Variants in STK39 observed in about 807,000 individuals in gnomAD.
The protein encoded by STK39 is serine/threonine kinase 39, also known as STE20/SPS1-related proline-alanine-rich protein kinase.
A neutral mutation model predicts 77.8 loss-of-function variants in STK39; 20 were observed. The observed-to-expected ratio is 0.26, with a 90% CI of 0.18 to 0.37. The LOEUF (loss-of-function observed/expected upper bound fraction) is 0.37, where lower values mean the gene tolerates loss of function less well. Ranked by LOEUF, STK39 falls within the 10% of genes least tolerant of loss-of-function variation. The probability of loss-of-function intolerance (pLI) is 1.00; values close to 1 mark genes in which losing one functional copy is unlikely to be tolerated. For missense variants in STK39, 479 were observed against 656.5 expected (o/e 0.73, Z 2.95); for synonymous variants, 246 against 234.1 (o/e 1.05, Z -0.47).
chr2:168,238,679 GTATT>G (rs577977031), intron 1 of STK39, among the ~76,000 whole-genome samples: 100 of 150,486 alleles, frequency 6.6e-4, no homozygotes, highest in African/African-American at 2.3e-3. Context: ...GGATTCCAAA[GTATT>G]TATCTAAATC....
chr2:167,974,355 G>C (rs1114688), intron 16 of STK39, among the ~76,000 whole-genome samples: 117,957 of 152,012 alleles, frequency 0.78, 46,045 homozygotes, highest in African/African-American at 0.85. Context: ...AATCAAATTT[G>C]AGCTTCAAAA....
intron 16 of STK39, among the ~76,000 whole-genome samples, chr2:167,970,009 C>T (rs1057477269): frequency 6.6e-6 from 1 of 152,218 alleles, no homozygotes; most frequent in Non-Finnish European, 1.5e-5. Context: ...GACCCTGGAG[C>T]ATTCAGGGCA....
chr2:168,074,939 A>C (rs1267739345), intron 12 of STK39, 43 bp downstream of exon 12: 1 of 1,604,728 alleles, frequency 6.2e-7, no homozygotes, highest in Non-Finnish European at 8.5e-7. Context: ...ACCACAAGAA[A>C]GGAATGAAAT....
At chr2:168,153,077 G>C (rs1044948294) in intron 5 of STK39, among the ~76,000 whole-genome samples, 1 of 152,186 alleles carries the variant, frequency 6.6e-6, no homozygotes, top group Non-Finnish European at 1.5e-5. Flanking sequence ...AGGATTAGTT[G>C]AATCTTCAAA....
At chr2:168,223,746 AG>A (rs1690236327) in intron 1 of STK39, among the ~76,000 whole-genome samples, 1 of 152,062 alleles carries the variant, frequency 6.6e-6, no homozygotes, top group Non-Finnish European at 1.5e-5. Flanking sequence ...CAACCCTCGC[AG>A]GAATGAGGAA....
Position 168,118,567 on chromosome 2 carries a change from C to T in STK39, c.1089+10974G>A, listed in dbSNP as rs144862840. Among the ~76,000 whole-genome samples the T allele has an allele frequency of 1.2e-3, 170 of 139,326 alleles. 1 individual carries two copies. The highest frequency in any genetic ancestry group is 4.3e-3 in the African/African-American group (166 of 38,400). The allele number at this position is 139,326 out of a possible 152,430, so 91.4% of individuals were successfully genotyped here. A position where few individuals can be genotyped will look rare whatever the true frequency, so the allele number is the denominator to read the frequency against. ...CCTCTCAGCTCCCAGTCAAAGGCAA[C>T]CAGAAAGGAGTCACTTTCCCAGAAC... On this transcript the variant is annotated intron_variant, in intron 10 of 17. Transcript: ENST00000355999.
At chr2:168,217,321 G>A (rs1036596436) in intron 1 of STK39, among the ~76,000 whole-genome samples, 7 of 152,132 alleles carry the variant, frequency 4.6e-5, no homozygotes, top group Non-Finnish European at 1.5e-5. Context: ...GCATGAATTA[G>A]AAAACCCCAA....
At chr2:168,078,615 T>C (rs1686144086) in intron 10 of STK39, among the ~76,000 whole-genome samples, 1 of 151,946 alleles carries the variant, frequency 6.6e-6, no homozygotes, top group Non-Finnish European at 1.5e-5. Flanking sequence ...GATAGCATCC[T>C]AAATGTGTCA....
In STK39 at chr2:168,140,380, T is replaced by C. The variant is rs755937393; in HGVS notation, c.749A>G (p.Tyr250Cys). The C allele has an allele frequency of 1.9e-6, 3 of 1,613,882 alleles. No homozygotes were observed. Among genetic ancestry groups the C allele is most frequent in the Non-Finnish European group, 2.5e-6 (3 of 1,179,818 alleles). The change falls in exon 7 of 18, where the codon TAT (tyrosine) becomes TGT (cysteine). Residue 250 changes from tyrosine (Y) to cysteine (C), a missense_variant. This residue lies in a region of STK39 where 139 missense variants were observed against 280.6 expected (regional missense o/e 0.50). Coordinates refer to ENST00000355999, the MANE Select transcript of STK39 (RefSeq NM_013233.3). Reference protein sequence around the residue: ...APEVMEQVRGYDFKADMWSFG... With the variant: ...APEVMEQVRGCDFKADMWSFG... ...ACTCCACATGTCAGCCTTGAAGTCA[T>C]AGCCTCTCACCTAAGAAAGAAAGCA... is the stretch of plus-strand genomic sequence containing the variant.
chr2:168,241,119 A>G (rs140470781), intron 1 of STK39, among the ~76,000 whole-genome samples: 2 of 152,332 alleles, frequency 1.3e-5, no homozygotes, highest in East Asian at 3.9e-4. Flanking sequence ...AGAAAGAAGT[A>G]GGGAGAGTGT....
At chr2:168,001,229 CA>C (rs1350186132) in intron 16 of STK39, among the ~76,000 whole-genome samples, 1 of 139,484 alleles carries the variant, frequency 7.2e-6, no homozygotes, top group African/African-American at 2.8e-5. Flanking sequence ...ATGTATCCCC[CA>C]AATATGTGCA....
chr2:168,102,770 A>T (rs2105454037), intron 10 of STK39, among the ~76,000 whole-genome samples: 1 of 152,146 alleles, frequency 6.6e-6, no homozygotes, highest in Non-Finnish European at 1.5e-5. Context: ...TCTACTAAAA[A>T]TACAAAAAAA....
At chr2:168,142,746 T>C (rs1368282294) in intron 5 of STK39, among the ~76,000 whole-genome samples, 4 of 152,220 alleles carry the variant, frequency 2.6e-5, no homozygotes, top group Non-Finnish European at 5.9e-5. Context: ...GATGGCTAAA[T>C]GTCTTTAAAA....
chr2:168,198,196 C>A (rs1689523707), intron 1 of STK39, among the ~76,000 whole-genome samples: 1 of 152,128 alleles, frequency 6.6e-6, no homozygotes, highest in African/African-American at 2.4e-5. Flanking sequence ...ACATTTATAG[C>A]CACAATAATT....
chr2:168,106,116 C>T (rs778989360), intron 10 of STK39, among the ~76,000 whole-genome samples: 3 of 152,208 alleles, frequency 2.0e-5, no homozygotes, highest in South Asian at 2.1e-4. Flanking sequence ...ATGCGCACCA[C>T]CATGCGCAGC....
chr2:168,046,794 G>A (rs1478630885), intron 14 of STK39, among the ~76,000 whole-genome samples: 2 of 152,180 alleles, frequency 1.3e-5, no homozygotes, highest in African/African-American at 4.8e-5. Context: ...TGATGGGAGG[G>A]GATAAAGGTG....
chr2:168,201,447 A>C (rs1689609819), intron 1 of STK39, among the ~76,000 whole-genome samples: 2 of 152,196 alleles, frequency 1.3e-5, no homozygotes, highest in Non-Finnish European at 2.9e-5. Flanking sequence ...GAAATTACAA[A>C]CATTCATTTC....
At chr2:168,221,963 A>T (rs561890402) in intron 1 of STK39, among the ~76,000 whole-genome samples, 33 of 152,288 alleles carry the variant, frequency 2.2e-4, no homozygotes, top group Admixed American at 2.2e-3. Flanking sequence ...CGATTTAATA[A>T]GTATGGTTCC....
chr2:168,187,323 C>G (rs1164311208), intron 1 of STK39, among the ~76,000 whole-genome samples: 1 of 150,724 alleles, frequency 6.6e-6, no homozygotes, highest in Non-Finnish European at 1.5e-5. Flanking sequence ...TGCACTCCAG[C>G]CTGGGTGACA....
Sources: allele counts gnomAD v4.1 joint callset (sites outside exome capture counted in the v4.1 genomes callset), GRCh38; gene constraint gnomAD v4.1.1; regional missense constraint gnomAD v4.1.1; transcripts MANE v1.5; gene names NCBI Gene and HGNC (gene_info 2026-07-23, HGNC 2026-07-21).